Variants in CD2BP2 observed in about 807,000 individuals in gnomAD.
CD2BP2 encodes the protein CD2 cytoplasmic tail binding protein 2, also known as CD2 antigen cytoplasmic tail-binding protein 2.
CD2BP2 carries 27 observed loss-of-function variants against 35.9 expected under a neutral mutation model. That is an observed-to-expected ratio of 0.75 (90% confidence interval 0.55 to 1.04). The LOEUF (loss-of-function observed/expected upper bound fraction) is 1.04, where lower values mean the gene tolerates loss of function less well. CD2BP2 is among the 50% of genes least tolerant of loss of function. The pLI is 0.00. For missense variants in CD2BP2, 497 were observed against 444.3 expected, an observed-to-expected ratio of 1.12 and a Z score of -1.07; for synonymous variants, 213 against 173.5, an observed-to-expected ratio of 1.23 and a Z score of -1.79.
chr16:30,355,112 T>G, intron 1 of CD2BP2, 100 bp downstream of exon 1: 1 of 227,592 alleles, frequency 4.4e-6, no homozygotes, highest in Non-Finnish European at 8.9e-6. Flanking sequence ...TCCTCCCTGC[T>G]CCGAACTCCC....
chr16:30,353,803 G>A lies in CD2BP2; in HGVS notation c.376-3C>T, dbSNP rs749544332. 3 of 1,604,594 alleles carry A rather than the reference G, an allele frequency of 1.9e-6. No homozygotes were observed. The South Asian group carries it at 3.3e-5, about 18-fold the overall frequency. On this transcript the variant is annotated splice_region_variant and splice_polypyrimidine_tract_variant and intron_variant, in intron 4 of 6. Coordinates refer to ENST00000305596, the MANE Select transcript of CD2BP2 (RefSeq NM_006110.3). ...GGTGGCCGCTCCCGGATCTTCACCTGTAATGGGAAGATGGAGTGATTTCCC... is the reference window on the plus strand; with the variant it reads ...GGTGGCCGCTCCCGGATCTTCACCTATAATGGGAAGATGGAGTGATTTCCC...
At position 30,352,854 on chromosome 16, in the gene CD2BP2, C is replaced by G; in HGVS notation, c.*131G>C. Reference sequence around the variant, plus strand: ...GCACAGCCAAGGCCCCAGTACACAACTAAAGGCTTTTATTGGGAAAGGGAA... The same window carrying G: ...GCACAGCCAAGGCCCCAGTACACAAGTAAAGGCTTTTATTGGGAAAGGGAA... On this transcript the variant is annotated 3_prime_UTR_variant, in exon 7 of 7. Coordinates refer to ENST00000305596, the MANE Select transcript of CD2BP2 (RefSeq NM_006110.3). The G allele has an allele frequency of 1.5e-6, 1 of 669,076 alleles. No homozygotes were observed. Among genetic ancestry groups the G allele is most frequent in the Non-Finnish European group, 2.7e-6 (1 of 371,784 alleles). The allele number at this position is 669,076 out of a possible 1,614,324, so 41.4% of individuals were successfully genotyped here.
rs2049494480 is a variant in CD2BP2, at chr16:30,352,958, G to T, written c.*27C>A. The stretch of plus-strand genomic sequence containing the variant: ...CCTCCACAAAGTCCAGGAAAGAAGG[G>T]CCCACCAAACTGGGCCCCCAGCAGG... On this transcript the variant is annotated 3_prime_UTR_variant, in exon 7 of 7. Transcript: ENST00000305596. 4 of 1,435,052 alleles carry T rather than the reference G, an allele frequency of 2.8e-6. No homozygotes were observed. The highest frequency in any genetic ancestry group is 3.9e-6 in the Non-Finnish European group (4 of 1,016,790). The allele number at this position is 1,435,052 out of a possible 1,614,324, so 88.9% of individuals were successfully genotyped here. A position where few individuals can be genotyped will look rare whatever the true frequency, so the allele number is the denominator to read the frequency against.
rs372310431 is a variant in CD2BP2, at chr16:30,354,685, G to A, written c.-4C>T. ...AGGTCACTTTCCTCTTTGGCATGAC[G>A]GGGCAAAGAGGTGTTTCTCAAGCTG... is the stretch of plus-strand genomic sequence containing the variant. On this transcript the variant is annotated 5_prime_UTR_variant, in exon 2 of 7. Coordinates refer to ENST00000305596, the MANE Select transcript of CD2BP2 (RefSeq NM_006110.3). 20 of 1,613,394 alleles carry A rather than the reference G, an allele frequency of 1.2e-5. No homozygotes were observed. Among genetic ancestry groups the A allele is most frequent in the Middle Eastern group, 1.7e-4 (1 of 6,058 alleles).
rs763694531 is a variant in CD2BP2 at position 30,352,989 on chromosome 16, G to A, written c.1022C>T (p.Thr341Ile). ...CAAACTGGGCCCCCAGCAGGCTCAG[G>A]TGTAGAGGTCAAAGTCAATGCGTTT... ...NSKRIDFDLYT is the reference protein window; with the variant it reads ...NSKRIDFDLYI Residue 341 changes from threonine (T) to isoleucine (I), a missense_variant, in exon 7 of 7, where the codon ACC becomes ATC. Transcript: ENST00000305596. 5 of 1,606,590 alleles carry A rather than the reference G, an allele frequency of 3.1e-6. No individual in the cohort carries two copies. In the East Asian group the frequency reaches 6.7e-5, roughly 21 times the overall value.
At position 30,353,967 on chromosome 16, in the gene CD2BP2, G is replaced by A. The variant is rs1177414917; in HGVS notation, c.309C>T (p.Ala103=). The change falls in exon 4 of 7, where the codon GCC becomes GCT. Residue 103 remains alanine (A), a synonymous_variant. Coordinates refer to ENST00000305596, the MANE Select transcript of CD2BP2 (RefSeq NM_006110.3). ...QEEMEEGHFD[A]DGNYFLNRDA... Reference sequence around the variant, plus strand: ...CCCGGTTCAGGAAGTAGTTGCCATCGGCATCAAAGTGGCCTTCCTCCATCT... The same window carrying A: ...CCCGGTTCAGGAAGTAGTTGCCATCAGCATCAAAGTGGCCTTCCTCCATCT... 5.0e-6 allele frequency: 8 copies of A among 1,614,152 alleles called. No homozygotes were observed. The highest frequency in any genetic ancestry group is 2.2e-5 in the East Asian group (1 of 44,872).
Position 30,353,421 on chromosome 16 carries a change from G to A in CD2BP2, c.755C>T (p.Ala252Val), listed in dbSNP as rs757943413. The A allele has an allele frequency of 1.9e-6, 3 of 1,614,006 alleles. No homozygotes were observed. Among genetic ancestry groups the A allele is most frequent in the Non-Finnish European group, 2.5e-6 (3 of 1,180,038 alleles). The part of the protein sequence containing the change: ...PTPPPSLDMF[A>V]EELAEEELET... ...CAGTTCCTCCTCCGCCAACTCCTCAGCGAACATGTCCAGGGAGGGTGGGGG... is the reference window on the plus strand; with the variant it reads ...CAGTTCCTCCTCCGCCAACTCCTCAACGAACATGTCCAGGGAGGGTGGGGG... Residue 252 changes from alanine to valine, a missense_variant, in exon 5 of 7, where the codon GCT becomes GTT. Physicochemically the swap from Ala to Val is moderately conservative, Grantham distance 64 (BLOSUM62 0). Coordinates refer to ENST00000305596, the MANE Select transcript of CD2BP2 (RefSeq NM_006110.3).
rs1014029459 is a variant in CD2BP2 at position 30,353,576 on chromosome 16, G to A, written c.600C>T (p.Asp200=). 2 of 1,614,014 alleles carry A rather than the reference G, an allele frequency of 1.2e-6. No individual in the cohort carries two copies. The highest frequency in any genetic ancestry group is 2.7e-5 in the African/African-American group (2 of 74,944). ...PGQPSSPQRL[D]RLSGLADQMV... is the part of the protein sequence containing the mutation. ...TCTGGTCGGCCAACCCGGAGAGCCG[G>A]TCCAGGCGCTGAGGGGAACTGGGTT... is the stretch of plus-strand genomic sequence containing the variant. The change falls in exon 5 of 7, where the codon GAC becomes GAT. Residue 200 remains aspartate (D), a synonymous_variant. Coordinates refer to ENST00000305596, the MANE Select transcript of CD2BP2 (RefSeq NM_006110.3).
At chr16:30,353,343 C>G (rs746610911) in intron 5 of CD2BP2, 25 bp downstream of exon 5, 2 of 1,613,668 alleles carry the variant, frequency 1.2e-6, no homozygotes, top group Middle Eastern at 3.3e-4. Context: ...TACCCACTGC[C>G]CCCTCCTCTG....
rs553117547 is a variant in CD2BP2 at position 30,353,479 on chromosome 16, C to T, written c.697G>A (p.Gly233Arg). 6.8e-6 allele frequency: 11 copies of T among 1,614,110 alleles called. No homozygotes were observed. In the South Asian group the frequency reaches 1.1e-4, roughly 16 times the overall value. ...ERLAMRLKGL[G>R]CQTLGPHNPT... The stretch of plus-strand genomic sequence containing the variant: ...TTGTGGGGTCCTAGGGTCTGACACC[C>T]CAAACCCTTCAGACGCATAGCCAAC... The change falls in exon 5 of 7, where the codon GGG becomes AGG. Residue 233 changes from glycine (G) to arginine (R), a missense_variant. Coordinates refer to ENST00000305596, the MANE Select transcript of CD2BP2 (RefSeq NM_006110.3).
chr16:30,354,857 G>A (rs1234207277), intron 1 of CD2BP2, 150 bp from the exon 2 acceptor site: 3 of 658,824 alleles, frequency 4.6e-6, no homozygotes, highest in South Asian at 1.7e-5. Context: ...CTGGCAGCCA[G>A]GAGGCCTCCA....
In CD2BP2 at chr16:30,353,588, A is replaced by C; in HGVS notation, c.588T>G (p.Pro196=). The C allele has an allele frequency of 6.2e-7, 1 of 1,614,074 alleles. No homozygotes were observed. Residue 196 remains proline, a synonymous_variant, in exon 5 of 7, where the codon CCT becomes CCG. Coordinates refer to ENST00000305596, the MANE Select transcript of CD2BP2 (RefSeq NM_006110.3). ...ACCCGGAGAGCCGGTCCAGGCGCTG[A>C]GGGGAACTGGGTTGCCCAGGCCCCT... ...GRKGPGQPSS[P]QRLDRLSGLA...
chr16:30,351,482 T>C lies in CD2BP2; in HGVS notation c.*1503A>G, dbSNP rs1161607325. On this transcript the variant is annotated 3_prime_UTR_variant, in exon 7 of 7. Coordinates refer to ENST00000305596, the MANE Select transcript of CD2BP2 (RefSeq NM_006110.3). ...GCAGGCCTCTTCTTTCTTAGTGACG[T>C]TTAAAGGAAGGTATCTTACCCCTGA... 1.3e-5 allele frequency: 2 copies of C among 152,096 alleles called. No homozygotes were observed. Among genetic ancestry groups the C allele is most frequent in the East Asian group, 3.9e-4 (2 of 5,192 alleles). 9.4% of individuals were successfully genotyped at this position (152,096 alleles called of 1,614,324 possible). A position where few individuals can be genotyped will look rare whatever the true frequency, so the allele number is the denominator to read the frequency against.
Position 30,352,927 on chromosome 16 carries a change from G to C in CD2BP2, c.*58C>G, listed in dbSNP as rs1367657627. 1 of 1,078,158 alleles carries C rather than the reference G, an allele frequency of 9.3e-7. No individual in the cohort carries two copies. Among genetic ancestry groups the C allele is most frequent in the African/African-American group, 1.6e-5 (1 of 64,386 alleles). The allele number at this position is 1,078,158 out of a possible 1,614,324, so 66.8% of individuals were successfully genotyped here. A position where few individuals can be genotyped will look rare whatever the true frequency, so the allele number is the denominator to read the frequency against. On this transcript the variant is annotated 3_prime_UTR_variant, in exon 7 of 7. Coordinates refer to ENST00000305596, the MANE Select transcript of CD2BP2 (RefSeq NM_006110.3). ...ATTTCCTCGCTGCCTGAGACACTTG[G>C]TGCCTCCTCCACAAAGTCCAGGAAA...
intron 5 of CD2BP2, 32 bp from the exon 6 acceptor site, chr16:30,353,319 A>G (rs1298478851): frequency 6.2e-7 from 1 of 1,613,464 alleles, no homozygotes; most frequent in Middle Eastern, 1.6e-4. Context: ...TTTGGCCTCC[A>G]GTGTCTCACT....
chr16:30,355,100 G>A, intron 1 of CD2BP2, 112 bp downstream of exon 1: 1 of 236,986 alleles, frequency 4.2e-6, no homozygotes, highest in Non-Finnish European at 8.5e-6. Context: ...TCGCCACCCC[G>A]TTCCTCCCTG....
intron 1 of CD2BP2, 173 bp downstream of exon 1, chr16:30,355,039 C>T (rs2049524804): frequency 6.9e-6 from 2 of 287,930 alleles, no homozygotes; most frequent in South Asian, 7.1e-5. Flanking sequence ...GCTCTCTACC[C>T]TGGCTCTCTC....
Position 30,354,282 on chromosome 16 carries a change from C to A in CD2BP2, c.119G>T (p.Arg40Leu). 6.2e-7 allele frequency: 1 copy of A among 1,613,994 alleles called. No homozygotes were observed. Among genetic ancestry groups the A allele is most frequent in the Non-Finnish European group, 8.5e-7 (1 of 1,179,970 alleles). Residue 40 changes from arginine (R) to leucine (L), a missense_variant, in exon 3 of 7, where the codon CGC becomes CTC. Transcript: ENST00000305596. Reference protein sequence around the residue: ...PVAGSGGPGSRFKGKHSLDSD... With the variant: ...PVAGSGGPGSLFKGKHSLDSD... Reference sequence around the variant, plus strand: ...ATCCAAAGAGTGTTTGCCTTTAAAGCGGCTCCCAGGACCCCCTGACCCAGC... The same window carrying A: ...ATCCAAAGAGTGTTTGCCTTTAAAGAGGCTCCCAGGACCCCCTGACCCAGC...
rs145419184 is a variant in CD2BP2, at chr16:30,353,929, C to T, written c.347G>A (p.Arg116Gln). 6.8e-6 allele frequency: 11 copies of T among 1,614,030 alleles called. No homozygotes were observed. The highest frequency in any genetic ancestry group is 2.7e-5 in the African/African-American group (2 of 74,938). Residue 116 changes from arginine to glutamine, a missense_variant, in exon 4 of 7, where the codon CGA (arginine) becomes CAA (glutamine). Arg to Gln is a conservative substitution (Grantham distance 43). Coordinates refer to ENST00000305596, the MANE Select transcript of CD2BP2 (RefSeq NM_006110.3). Reference protein sequence around the residue: ...NYFLNRDAQIRDSWLDNIDWV... With the variant: ...NYFLNRDAQIQDSWLDNIDWV... ...GTCAATGTTGTCCAGCCAGCTGTCT[C>T]GGATCTGAGCATCCCGGTTCAGGAA...
Sources: gnomAD v4.1 joint callset for allele counts on GRCh38, gnomAD v4.1.1 for gene constraint, MANE v1.5 for transcripts, NCBI Gene and HGNC (gene_info 2026-07-23, HGNC 2026-07-21) for gene names.